Variants in LUZP2 observed in about 807,000 individuals in gnomAD.
The protein encoded by LUZP2 is leucine zipper protein 2.
In LUZP2, 52 loss-of-function variants were observed where a neutral mutation model predicts 51.6. That is an observed-to-expected ratio of 1.01 (90% CI 0.81 to 1.27). The LOEUF (loss-of-function observed/expected upper bound fraction) is 1.27. Ranked by LOEUF, LUZP2 falls within the 50% of genes most tolerant of loss-of-function variation. The probability of loss-of-function intolerance (pLI) is 0.00; values close to 1 mark genes in which losing one functional copy is unlikely to be tolerated. For missense variants in LUZP2, 436 were observed against 395.4 expected (o/e 1.10, Z -0.87); for synonymous variants, 154 against 137.3 (o/e 1.12, Z -0.85).
chr11:24,918,546 T>A (rs1853879043), intron 7 of LUZP2, among the ~76,000 whole-genome samples: 1 of 151,860 alleles, frequency 6.6e-6, no homozygotes, highest in South Asian at 2.1e-4. Context: ...AAATTAGGTA[T>A]TGATGGGACG....
chr11:24,690,945 C>T (rs1857045594), intron 1 of LUZP2, among the ~76,000 whole-genome samples: 1 of 151,982 alleles, frequency 6.6e-6, no homozygotes, highest in Non-Finnish European at 1.5e-5. Context: ...ATTCAGTTTT[C>T]ATCAATGTCT....
intron 9 of LUZP2, among the ~76,000 whole-genome samples, chr11:25,022,027 T>G (rs1380330911): frequency 2.0e-5 from 3 of 152,022 alleles, no homozygotes; most frequent in African/African-American, 7.2e-5. Flanking sequence ...GTTAGAAATG[T>G]TTTTCCCTCC....
intron 5 of LUZP2, among the ~76,000 whole-genome samples, chr11:24,866,318 TG>T (rs1049906472): frequency 1.3e-5 from 2 of 152,282 alleles, no homozygotes; most frequent in African/African-American, 4.8e-5. Flanking sequence ...AATAATCTCA[TG>T]GGCATAATTT....
At chr11:24,795,672 T>C (rs895677214) in intron 5 of LUZP2, among the ~76,000 whole-genome samples, 4 of 152,126 alleles carry the variant, frequency 2.6e-5, no homozygotes, top group Non-Finnish European at 4.4e-5. Context: ...AGCATGTCAG[T>C]GTCCCACAGT....
chr11:24,976,261 A>G (rs1049885133), intron 7 of LUZP2, among the ~76,000 whole-genome samples: 5 of 151,942 alleles, frequency 3.3e-5, no homozygotes, highest in African/African-American at 9.7e-5. Flanking sequence ...AATTCAGTCT[A>G]TATCAACTAG....
intron 1 of LUZP2, among the ~76,000 whole-genome samples, chr11:24,525,245 G>A (rs1005767052): frequency 1.6e-4 from 24 of 151,414 alleles, no homozygotes; most frequent in African/African-American, 5.6e-4. Context: ...AGTGCTAATT[G>A]GTTAAATGCT....
At chr11:24,842,562 T>A (rs991122579) in intron 5 of LUZP2, among the ~76,000 whole-genome samples, 7 of 151,970 alleles carry the variant, frequency 4.6e-5, no homozygotes, top group African/African-American at 1.7e-4. Flanking sequence ...CACCCTTTTT[T>A]AAACTACAAA....
At chr11:24,796,532 T>TGTGTGTGTGC (rs1327578902) in intron 5 of LUZP2, among the ~76,000 whole-genome samples, 1 of 136,914 alleles carries the variant, frequency 7.3e-6, no homozygotes, top group Admixed American at 7.5e-5. Context: ...TGTGTGTGTG[T>TGTGTGTGTGC]GCCACAGCAA....
At chr11:24,920,585 A>G (rs1854015588) in intron 7 of LUZP2, among the ~76,000 whole-genome samples, 1 of 152,102 alleles carries the variant, frequency 6.6e-6, no homozygotes, top group Non-Finnish European at 1.5e-5. Context: ...ATATGTACAC[A>G]TATGGAATGC....
At chr11:24,973,764 A>G (rs1433721274) in intron 7 of LUZP2, among the ~76,000 whole-genome samples, 2 of 151,922 alleles carry the variant, frequency 1.3e-5, no homozygotes, top group African/African-American at 4.8e-5. Flanking sequence ...CTTAGTCTTG[A>G]GTTCTGATTT....
At chr11:24,972,584 T>TTTTTTTTG (rs1855772879) in intron 7 of LUZP2, among the ~76,000 whole-genome samples, 1 of 152,178 alleles carries the variant, frequency 6.6e-6, no homozygotes, top group African/African-American at 2.4e-5. Context: ...AATGTTGTCC[T>TTTTTTTTG]TCTATTTTTG....
chr11:24,944,866 C>G (rs1244716762), intron 7 of LUZP2, among the ~76,000 whole-genome samples: 2 of 152,120 alleles, frequency 1.3e-5, no homozygotes, highest in Non-Finnish European at 2.9e-5. Flanking sequence ...AGGATAAAGG[C>G]TTTAAACTGT....
chr11:24,671,857 G>C (rs1590327491), intron 1 of LUZP2, among the ~76,000 whole-genome samples: 1 of 152,070 alleles, frequency 6.6e-6, no homozygotes, highest in East Asian at 1.9e-4. Flanking sequence ...AATGAGTACG[G>C]GATAAATATT....
chr11:24,643,088 A>T (rs1271267742), intron 1 of LUZP2, among the ~76,000 whole-genome samples: 1 of 151,914 alleles, frequency 6.6e-6, no homozygotes, highest in South Asian at 2.1e-4. Flanking sequence ...TGAGAGCCTC[A>T]ATTATCAGAG....
At chr11:24,588,871 C>G (rs1853164694) in intron 1 of LUZP2, among the ~76,000 whole-genome samples, 1 of 151,906 alleles carries the variant, frequency 6.6e-6, no homozygotes, top group Non-Finnish European at 1.5e-5. Flanking sequence ...AAAGAAGATC[C>G]TCACTTCATA....
At chr11:24,999,318 GGAA>G (rs1856605147) in intron 9 of LUZP2, among the ~76,000 whole-genome samples, 2 of 151,654 alleles carry the variant, frequency 1.3e-5, no homozygotes, top group Admixed American at 6.6e-5. Context: ...ATGAGAGAAG[GGAA>G]GAAGAAGGGG....
At chr11:25,000,654 GA>G (rs1413675759) in intron 9 of LUZP2, among the ~76,000 whole-genome samples, 1 of 152,222 alleles carries the variant, frequency 6.6e-6, no homozygotes, top group Admixed American at 6.5e-5. Flanking sequence ...GTTGGTATAA[GA>G]GTTTGAAAGG....
chr11:24,924,850 A>G (rs562215679), intron 7 of LUZP2, among the ~76,000 whole-genome samples: 2 of 152,300 alleles, frequency 1.3e-5, no homozygotes, highest in African/African-American at 4.8e-5. Context: ...CCTGGAATCA[A>G]CAGAAGTCAG....
At chr11:24,645,027 C>A (rs1047634217) in intron 1 of LUZP2, among the ~76,000 whole-genome samples, 2 of 152,042 alleles carry the variant, frequency 1.3e-5, no homozygotes, top group African/African-American at 4.8e-5. Flanking sequence ...ATTTTTGTGT[C>A]TTTTTGTCTA....
Sources: gnomAD v4.1 joint callset for allele counts (sites outside exome capture counted in the v4.1 genomes callset) on GRCh38, gnomAD v4.1.1 for gene constraint, MANE v1.5 for transcripts, NCBI Gene and HGNC (gene_info 2026-07-23, HGNC 2026-07-21) for gene names.